KRT77: variants seen among roughly 807,000 people sequenced by gnomAD.
KRT77 encodes the protein keratin, type II cytoskeletal 1b.
Under a neutral mutation model 51.5 loss-of-function variants are expected in KRT77, and 44 were observed. That is an observed-to-expected ratio of 0.85 (90% CI 0.67 to 1.10). The LOEUF (loss-of-function observed/expected upper bound fraction) is 1.10. Ranked by LOEUF, KRT77 falls within the 50% of genes least tolerant of loss-of-function variation. KRT77 has a pLI of 0.00. For missense variants in KRT77, 763 were observed against 743.9 expected, an observed-to-expected ratio of 1.03 and a Z score of -0.30; for synonymous variants, 293 against 302.0, an observed-to-expected ratio of 0.97 and a Z score of 0.31.
rs141889596 is a variant in KRT77, at chr12:52,692,206, A to G, written c.1427+215T>C. 1.6e-4 allele frequency among the ~76,000 whole-genome samples: 25 copies of G among 152,306 alleles called. No homozygotes were observed. The East Asian group carries it at 4.8e-3, about 29-fold the overall frequency. ...TTGGATTGGGGTATAAGGACATTCT[A>G]CTTGGAGGTGGAGGAATGATAACAA... On this transcript the variant is annotated intron_variant, in intron 7 of 8. Coordinates refer to ENST00000341809, the MANE Select transcript of KRT77 (RefSeq NM_175078.3).
In KRT77 at chr12:52,692,854, C is replaced by G; in HGVS notation, c.1107G>C (p.Gly369=). The G allele has an allele frequency of 2.5e-6, 4 of 1,604,104 alleles. No individual in the cohort carries two copies. Among genetic ancestry groups the G allele is most frequent in the Admixed American group, 3.3e-5 (2 of 59,728 alleles). ...TGTTCTTCAGGTCGTCTCCATGTCT[C>G]CCTGCCGTGATCTGGAGCTCCTGGT... is the stretch of plus-strand genomic sequence containing the variant. ...TKYQELQITA[G]RHGDDLKNSK... The change falls in exon 6 of 9, where the codon GGG becomes GGC. Residue 369 remains glycine, a synonymous_variant. Transcript: ENST00000341809.
chr12:52,699,812 C>T (rs904947926), intron 1 of KRT77, among the ~76,000 whole-genome samples: 1 of 152,228 alleles, frequency 6.6e-6, no homozygotes. Flanking sequence ...ATCTCTCTCC[C>T]GGGCTGCACT....
At chr12:52,702,026 G>C (rs1941892992) in intron 1 of KRT77, among the ~76,000 whole-genome samples, 1 of 152,062 alleles carries the variant, frequency 6.6e-6, no homozygotes, top group African/African-American at 2.4e-5. Context: ...TGGTCCTTCT[G>C]CCTGAAAATC....
At chr12:52,695,670 T>C in intron 4 of KRT77, 102 bp downstream of exon 4, 1 of 637,064 alleles carries the variant, frequency 1.6e-6, no homozygotes. Flanking sequence ...GATGAGTCCC[T>C]AGTGGGACCC....
rs368633150 is a variant in KRT77 at position 52,692,876 on chromosome 12, T to C, written c.1085A>G (p.Gln362Arg). The C allele has an allele frequency of 1.2e-6, 2 of 1,603,808 alleles. No homozygotes were observed. The highest frequency in any genetic ancestry group is 2.7e-5 in the African/African-American group (2 of 74,844). Residue 362 changes from glutamine (Q) to arginine (R), a missense_variant, in exon 6 of 9, where the codon CAG becomes CGG. Gln to Arg is a conservative substitution (Grantham distance 43). Coordinates refer to ENST00000341809, the MANE Select transcript of KRT77 (RefSeq NM_175078.3). ...TCTCCCTGCCGTGATCTGGAGCTCCTGGTACTGGGGCCAAAGGCAGCATCA... is the reference window on the plus strand; with the variant it reads ...TCTCCCTGCCGTGATCTGGAGCTCCCGGTACTGGGGCCAAAGGCAGCATCA... ...EAEALYQTKY[Q>R]ELQITAGRHG...
chr12:52,698,699 G>T (rs1290453350), intron 1 of KRT77, among the ~76,000 whole-genome samples: 2 of 152,208 alleles, frequency 1.3e-5, no homozygotes, highest in African/African-American at 4.8e-5. Flanking sequence ...TCCTTGGCAT[G>T]GTAATGACCA....
rs1358328798 is a variant in KRT77 at position 52,691,250 on chromosome 12, C to T, written c.1652G>A (p.Gly551Glu). 8 of 1,612,056 alleles carry T rather than the reference C, an allele frequency of 5.0e-6. No individual in the cohort carries two copies. Among genetic ancestry groups the T allele is most frequent in the Non-Finnish European group, 6.8e-6 (8 of 1,179,132 alleles). ...GGATCCGCGGCCGCTTCTGCCGCTC[C>T]CTCCGTAGCTCCCGCCACCGCCGCC... ...GCGGGGGSYG[G>E]SGRSGRGSSR... The change falls in exon 9 of 9, where the codon GGG becomes GAG. Residue 551 changes from glycine to glutamate, a missense_variant. Gly to Glu is a moderately conservative substitution (Grantham distance 98). Transcript: ENST00000341809.
rs1941915431 is a variant in KRT77, at chr12:52,703,377, T to C, written c.58A>G (p.Ser20Gly). ...AFSSMSRRVYSTSSSAGSGGG... is the reference protein window; with the variant it reads ...AFSSMSRRVYGTSSSAGSGGG... ...CCAGAGCCTGCAGAAGAGCTGGTACTATAAACCCGCCTGCTCATTGAACTA... is the reference window on the plus strand; with the variant it reads ...CCAGAGCCTGCAGAAGAGCTGGTACCATAAACCCGCCTGCTCATTGAACTA... Residue 20 changes from serine to glycine, a missense_variant, in exon 1 of 9, where the codon AGT (serine) becomes GGT (glycine). By Grantham distance (56) the Ser-to-Gly change is moderately conservative. Transcript: ENST00000341809. The C allele has an allele frequency of 1.2e-6, 2 of 1,612,686 alleles. No homozygotes were observed. Among genetic ancestry groups the C allele is most frequent in the Non-Finnish European group, 1.7e-6 (2 of 1,179,190 alleles).
Position 52,690,922 on chromosome 12 carries a change from G to C in KRT77, c.*243C>G. On this transcript the variant is annotated 3_prime_UTR_variant, in exon 9 of 9. Coordinates refer to ENST00000341809, the MANE Select transcript of KRT77 (RefSeq NM_175078.3). ...AGCAGGAACAGCAGCAGGGCCAGCA[G>C]AGCGGGGTCTGAGTGAGAATGTGCC... The C allele has an allele frequency of 3.3e-6, 2 of 597,234 alleles. No individual in the cohort carries two copies. The highest frequency in any genetic ancestry group is 2.0e-5 in the South Asian group (1 of 49,436). 37.0% of individuals were successfully genotyped at this position (597,234 alleles called of 1,614,324 possible). A position where few individuals can be genotyped will look rare whatever the true frequency, so the allele number is the denominator to read the frequency against.
rs761717189 is a variant in KRT77, at chr12:52,691,302, T to TCCCG, written c.1599_1600insCGGG (p.Ser534ArgfsTer120). The TCCCG allele has an allele frequency of 9.4e-6, 15 of 1,600,230 alleles. No homozygotes were observed. In the East Asian group the frequency reaches 1.8e-4, roughly 19 times the overall value. ...CAGCCGCTGCCATAACCGCCTCCAC[T>TCCCG]CCTGCCTCGTGCCCCGCCTCCGCGG... is the stretch of plus-strand genomic sequence containing the variant. On this transcript the variant is annotated frameshift_variant, in exon 9 of 9. Transcript: ENST00000341809. LOFTEE classifies it low-confidence loss of function (END_TRUNC).
In KRT77 at chr12:52,690,807, C is replaced by T; in HGVS notation, c.*358G>A. ...GGAGGCAGAGGAATGATAACAATGACTTCTCCCTACCTTGCCAACTCACGC... is the reference window on the plus strand; with the variant it reads ...GGAGGCAGAGGAATGATAACAATGATTTCTCCCTACCTTGCCAACTCACGC... On this transcript the variant is annotated 3_prime_UTR_variant, in exon 9 of 9. Coordinates refer to ENST00000341809, the MANE Select transcript of KRT77 (RefSeq NM_175078.3). 2.5e-6 allele frequency: 1 copy of T among 405,834 alleles called. No homozygotes were observed. The highest frequency in any genetic ancestry group is 4.5e-6 in the Non-Finnish European group (1 of 222,908). 25.1% of individuals were successfully genotyped at this position (405,834 alleles called of 1,614,324 possible).
At chr12:52,700,884 T>C (rs1398119708) in intron 1 of KRT77, among the ~76,000 whole-genome samples, 4 of 152,186 alleles carry the variant, frequency 2.6e-5, no homozygotes, top group Non-Finnish European at 4.4e-5. Flanking sequence ...GTATAGGCTA[T>C]ACAGGGTCAA....
At position 52,690,875 on chromosome 12, in the gene KRT77, A is replaced by G; in HGVS notation, c.*290T>C. On this transcript the variant is annotated 3_prime_UTR_variant, in exon 9 of 9. Coordinates refer to ENST00000341809, the MANE Select transcript of KRT77 (RefSeq NM_175078.3). ...GGAATGTTTGTGCTCACCCTGGGCT[A>G]CCGATCTTCCAAAAAGGTGGGAGCA... The G allele has an allele frequency of 1.9e-6, 1 of 532,656 alleles. No homozygotes were observed. The highest frequency in any genetic ancestry group is 2.2e-5 in the South Asian group (1 of 46,310). The allele number at this position is 532,656 out of a possible 1,614,324, so 33.0% of individuals were successfully genotyped here.
intron 2 of KRT77, 158 bp from the exon 3 acceptor site, chr12:52,696,588 G>C (rs1258673456): frequency 3.1e-6 from 2 of 654,922 alleles, no homozygotes; most frequent in Non-Finnish European, 5.4e-6. Context: ...CCAGAGGCTG[G>C]CACTCTCATG....
At chr12:52,696,054 A>T (rs369463270) in intron 3 of KRT77, among the ~76,000 whole-genome samples, 187 bp from the exon 4 acceptor site, 3 of 152,120 alleles carry the variant, frequency 2.0e-5, no homozygotes, top group African/African-American at 7.2e-5. Flanking sequence ...TGTGACACCA[A>T]CCTCCACATC....
At chr12:52,696,461 G>A in intron 2 of KRT77, 31 bp from the exon 3 acceptor site, 1 of 1,601,510 alleles carries the variant, frequency 6.2e-7, no homozygotes, top group Non-Finnish European at 8.6e-7. Flanking sequence ...GCACAGAAAG[G>A]CTGCAGGCTG....
chr12:52,691,023 C>T lies in KRT77; in HGVS notation c.*142G>A. 8.5e-7 allele frequency: 1 copy of T among 1,175,612 alleles called. No individual in the cohort carries two copies. The highest frequency in any genetic ancestry group is 1.2e-6 in the Non-Finnish European group (1 of 813,752). The allele number at this position is 1,175,612 out of a possible 1,614,324, so 72.8% of individuals were successfully genotyped here. ...TTTGGACTTATCCACCCTGCTTCCC[C>T]CATTAGAGTCGAATTTATTGGCAAA... On this transcript the variant is annotated 3_prime_UTR_variant, in exon 9 of 9. Coordinates refer to ENST00000341809, the MANE Select transcript of KRT77 (RefSeq NM_175078.3).
intron 1 of KRT77, among the ~76,000 whole-genome samples, chr12:52,702,467 T>C (rs1216944369): frequency 6.8e-6 from 1 of 147,170 alleles, no homozygotes; most frequent in Non-Finnish European, 1.5e-5. Flanking sequence ...GGTGGGTGGA[T>C]GGATGGATGG....
chr12:52,698,542 G>A (rs778173128), intron 1 of KRT77, among the ~76,000 whole-genome samples: 10 of 152,220 alleles, frequency 6.6e-5, no homozygotes, highest in Non-Finnish European at 8.8e-5. Flanking sequence ...GTTGTCAGGT[G>A]TTTGAGAACT....
Sources: gnomAD v4.1 joint callset for allele counts (sites outside exome capture counted in the v4.1 genomes callset) on GRCh38, gnomAD v4.1.1 for gene constraint, MANE v1.5 for transcripts, NCBI Gene and HGNC (gene_info 2026-07-23, HGNC 2026-07-21) for gene names.